Variants in PRKACB observed in about 807,000 individuals in gnomAD.
PRKACB encodes protein kinase cAMP-activated catalytic subunit beta.
In PRKACB, 16 loss-of-function variants were observed where a neutral mutation model predicts 51.4. That is an observed-to-expected ratio of 0.31 (90% CI 0.21 to 0.47). The LOEUF (loss-of-function observed/expected upper bound fraction) is 0.47, where lower values mean the gene tolerates loss of function less well. Ranked by LOEUF, PRKACB falls within the 20% of genes least tolerant of loss-of-function variation. The pLI is 1.00. For missense variants in PRKACB, 309 were observed against 464.5 expected (o/e 0.67, Z 3.08); for synonymous variants, 147 against 154.4 (o/e 0.95, Z 0.35).
chr1:84,127,048 CT>C (rs1232524045), intron 1 of PRKACB, among the ~76,000 whole-genome samples: 6 of 152,176 alleles, frequency 3.9e-5, no homozygotes, highest in Non-Finnish European at 5.9e-5. Flanking sequence ...ATTCCTCTAT[CT>C]GGGTCTTTAA....
chr1:84,193,225 C>T (rs1419378569), intron 5 of PRKACB, among the ~76,000 whole-genome samples: 2 of 151,962 alleles, frequency 1.3e-5, no homozygotes, highest in African/African-American at 4.8e-5. Flanking sequence ...GAGTTTAGTC[C>T]AAAAGAGACT....
Position 84,154,337 on chromosome 1 carries a change from G to A in PRKACB, c.187+9789G>A, listed in dbSNP as rs564870864. 1.1e-4 allele frequency among the ~76,000 whole-genome samples: 17 copies of A among 152,010 alleles called. No homozygotes were observed. The South Asian group carries it at 1.5e-3, about 13-fold the overall frequency. On this transcript the variant is annotated intron_variant, in intron 1 of 9. Transcript: ENST00000370685. Reference sequence around the variant, plus strand: ...CTGTAGGTTGTCTCTTCACTCTGTCGACTGTTTTCTTTTTGCACAAAAGCT... The same window carrying A: ...CTGTAGGTTGTCTCTTCACTCTGTCAACTGTTTTCTTTTTGCACAAAAGCT...
intron 3 of PRKACB, among the ~76,000 whole-genome samples, chr1:84,183,391 A>C (rs182333124): frequency 1.4e-3 from 216 of 151,970 alleles, no homozygotes; most frequent in African/African-American, 5.0e-3. Context: ...TTTTGTTATA[A>C]AGATAGTTTT....
chr1:84,224,436 A>T (rs1183135408), intron 9 of PRKACB, among the ~76,000 whole-genome samples: 1 of 152,142 alleles, frequency 6.6e-6, no homozygotes, highest in Non-Finnish European at 1.5e-5. Context: ...GGCAGTACAC[A>T]CTGCTGCTAG....
Position 84,171,788 on chromosome 1 carries a change from A to G in PRKACB, c.188-7389A>G, listed in dbSNP as rs138635612. 5.1e-4 allele frequency among the ~76,000 whole-genome samples: 77 copies of G among 151,716 alleles called. No homozygotes were observed. In the East Asian group the frequency reaches 5.7e-3, roughly 11 times the overall value. ...ATAGAAGACTCAAGTGAATCTACCA[A>G]TGTGATTTCAGAATTGATAACAGAA... is the stretch of plus-strand genomic sequence containing the variant. On this transcript the variant is annotated intron_variant, in intron 1 of 9. Transcript: ENST00000370685.
At chr1:84,202,254 A>G (rs918065880) in intron 7 of PRKACB, among the ~76,000 whole-genome samples, 9 of 152,044 alleles carry the variant, frequency 5.9e-5, no homozygotes, top group Non-Finnish European at 1.2e-4. Flanking sequence ...TCCAGTTTCT[A>G]TTATTTTCTT....
chr1:84,133,645 G>A (rs1168867220), intron 1 of PRKACB, among the ~76,000 whole-genome samples: 1 of 152,134 alleles, frequency 6.6e-6, no homozygotes. Context: ...GGCTTCACTC[G>A]CTCAGATCTG....
chr1:84,099,624 T>C (rs1308951977), intron 1 of PRKACB, among the ~76,000 whole-genome samples: 1 of 152,086 alleles, frequency 6.6e-6, no homozygotes, highest in East Asian at 1.9e-4. Context: ...GCTACTTACC[T>C]GGGCACTTAA....
At chr1:84,220,993 T>G (rs1673620349) in intron 9 of PRKACB, among the ~76,000 whole-genome samples, 1 of 152,182 alleles carries the variant, frequency 6.6e-6, no homozygotes, top group South Asian at 2.1e-4. Flanking sequence ...TTTAATTTTT[T>G]GGAATAGTTT....
At chr1:84,209,106 G>C (rs1165637267) in intron 8 of PRKACB, among the ~76,000 whole-genome samples, 14 of 152,106 alleles carry the variant, frequency 9.2e-5, no homozygotes, top group Admixed American at 9.2e-4. Flanking sequence ...CCTTCACTTG[G>C]CTTCAGTGAC....
At chr1:84,155,982 AAG>A (rs1478438358) in intron 1 of PRKACB, among the ~76,000 whole-genome samples, 1 of 152,034 alleles carries the variant, frequency 6.6e-6, no homozygotes, top group Non-Finnish European at 1.5e-5. Context: ...TAGTTGAAGA[AAG>A]AGATGGAGAT....
intron 1 of PRKACB, among the ~76,000 whole-genome samples, chr1:84,124,261 A>G (rs540206756): frequency 6.6e-6 from 1 of 152,356 alleles, no homozygotes; most frequent in Non-Finnish European, 1.5e-5. Context: ...GAACTAGAAG[A>G]GAAGAAATAA....
intron 1 of PRKACB, among the ~76,000 whole-genome samples, chr1:84,093,438 A>G (rs1648677613): frequency 6.6e-6 from 1 of 152,054 alleles, no homozygotes; most frequent in Admixed American, 6.6e-5. Flanking sequence ...AAGGCTGAAT[A>G]TATCTGGTTT....
At chr1:84,214,477 G>T (rs1672588116) in intron 9 of PRKACB, among the ~76,000 whole-genome samples, 160 bp downstream of exon 9, 1 of 148,998 alleles carries the variant, frequency 6.7e-6, no homozygotes, top group Non-Finnish European at 1.5e-5. Context: ...ACTTAAAAAT[G>T]AGTTTCCCCC....
chr1:84,150,675 C>T (rs1010011938), intron 1 of PRKACB, among the ~76,000 whole-genome samples: 21 of 152,178 alleles, frequency 1.4e-4, no homozygotes, highest in Admixed American at 3.3e-4. Context: ...CCTGCTCCCT[C>T]TTTGCCTTCT....
chr1:84,164,365 G>A (rs1227046950), intron 1 of PRKACB: 7 of 1,560,366 alleles, frequency 4.5e-6, no homozygotes, highest in Admixed American at 3.8e-5. Flanking sequence ...GTAATTGAAA[G>A]ACGTTTAGGT....
intron 1 of PRKACB, among the ~76,000 whole-genome samples, chr1:84,093,017 T>A (rs1014657506): frequency 2.0e-5 from 3 of 152,088 alleles, no homozygotes; most frequent in Admixed American, 1.3e-4. Flanking sequence ...ACTACAAATG[T>A]CTTCTTCCGT....
intron 1 of PRKACB, among the ~76,000 whole-genome samples, chr1:84,107,971 A>C (rs903233715): frequency 3.9e-5 from 6 of 152,138 alleles, no homozygotes; most frequent in Admixed American, 2.6e-4. Context: ...CAGCAATCCC[A>C]CCAGGTATAT....
intron 3 of PRKACB, 89 bp from the exon 4 acceptor site, chr1:84,183,948 G>T (rs1175441202): frequency 7.6e-7 from 1 of 1,321,130 alleles, no homozygotes; most frequent in Non-Finnish European, 9.9e-7. Flanking sequence ...GCTTATCCAA[G>T]TTTATTACTA....
Sources: allele counts gnomAD v4.1 joint callset (sites outside exome capture counted in the v4.1 genomes callset), GRCh38; gene constraint gnomAD v4.1.1; transcripts MANE v1.5; gene names NCBI Gene and HGNC (gene_info 2026-07-23, HGNC 2026-07-21).